HPCAL1: variants seen among roughly 807,000 people sequenced by gnomAD.
HPCAL1 encodes hippocalcin like 1, also known as hippocalcin-like protein 1.
Under a neutral mutation model 17.1 loss-of-function variants are expected in HPCAL1, and 8 were observed. That is an observed-to-expected ratio of 0.47 (90% CI 0.27 to 0.84). The LOEUF is 0.84. Ranked by LOEUF, HPCAL1 falls within the 40% of genes least tolerant of loss-of-function variation. The pLI, the probability that HPCAL1 is intolerant of heterozygous loss-of-function variation, is 0.13. For synonymous variants in HPCAL1, 112 were observed against 111.4 expected, an observed-to-expected ratio of 1.01 and a Z score of -0.03; for missense variants, 165 against 271.1, an observed-to-expected ratio of 0.61 and a Z score of 2.75.
chr2:10,399,397 T>TCAC (rs1558518182), intron 2 of HPCAL1, among the ~76,000 whole-genome samples: 5 of 6,378 alleles, frequency 7.8e-4, no homozygotes, highest in African/African-American at 1.4e-3. Context: ...ACCACCACCA[T>TCAC]CACCACCACC....
chr2:10,397,616 C>T (rs188409348), intron 2 of HPCAL1, among the ~76,000 whole-genome samples: 1 of 152,322 alleles, frequency 6.6e-6, no homozygotes, highest in East Asian at 1.9e-4. Flanking sequence ...TCGCCTCTCC[C>T]CCAGTGTTAG....
chr2:10,344,312 GC>G lies in HPCAL1; in HGVS notation c.-111+41138del, dbSNP rs1665273854. ...GAGCCAAGGATTAATTACGTAACAA[GC>G]CCAGATCCCATCCCTGCCTGAGCAG... On this transcript the variant is annotated intron_variant, in intron 1 of 4. Coordinates refer to ENST00000307845, the MANE Select transcript of HPCAL1 (RefSeq NM_002149.4). This position sits in a 1 kb window ranked among gnomAD's most constrained non-coding sequence, Gnocchi z 4.9. Among the ~76,000 whole-genome samples the G allele has an allele frequency of 6.6e-6, 1 of 152,162 alleles. No individual in the cohort carries two copies. Among genetic ancestry groups the G allele is most frequent in the Admixed American group, 6.5e-5 (1 of 15,286 alleles).
chr2:10,357,684 A>G (rs1666250297), intron 1 of HPCAL1, among the ~76,000 whole-genome samples: 1 of 152,186 alleles, frequency 6.6e-6, no homozygotes, highest in South Asian at 2.1e-4. Context: ...GTGTTTGTAG[A>G]ACAGTTATTT....
chr2:10,423,364 T>G, intron 4 of HPCAL1: 1 of 406,914 alleles, frequency 2.5e-6, no homozygotes, highest in Non-Finnish European at 4.6e-6. Flanking sequence ...CATACCCATA[T>G]TCCCGTGGGT....
chr2:10,384,371 G>A lies in HPCAL1; in HGVS notation c.-110-12464G>A, dbSNP rs898789020. ...CACATCCCCGTGGGATGTCTGGAGG[G>A]AAGGGTTTTGGGCACCCACCCTGGG... On this transcript the variant is annotated intron_variant, in intron 1 of 4. Coordinates refer to ENST00000307845, the MANE Select transcript of HPCAL1 (RefSeq NM_002149.4). The surrounding 1 kb of genome is among the most constrained non-coding windows in gnomAD (Gnocchi z 4.4). Among the ~76,000 whole-genome samples the A allele has an allele frequency of 9.9e-5, 15 of 152,156 alleles. No homozygotes were observed. The highest frequency in any genetic ancestry group is 2.0e-4 in the Admixed American group (3 of 15,284).
intron 1 of HPCAL1, among the ~76,000 whole-genome samples, chr2:10,352,592 T>A (rs1487809908): frequency 6.6e-6 from 1 of 151,892 alleles, no homozygotes; most frequent in African/African-American, 2.4e-5. Flanking sequence ...TCCTCTGCAG[T>A]CCCCTGGGGA....
chr2:10,404,936 C>T (rs1364756340), intron 2 of HPCAL1, among the ~76,000 whole-genome samples: 1 of 152,138 alleles, frequency 6.6e-6, no homozygotes, highest in Non-Finnish European at 1.5e-5. Context: ...CCCCACCTCC[C>T]GCCGGGCTGT....
rs115487912 is a variant in HPCAL1, at chr2:10,391,463, C to G, written c.-110-5372C>G. 2.2e-3 allele frequency among the ~76,000 whole-genome samples: 329 copies of G among 152,266 alleles called. 3 individuals carry two copies. The highest frequency in any genetic ancestry group is 7.5e-3 in the African/African-American group (311 of 41,530). On this transcript the variant is annotated intron_variant, in intron 1 of 4. Transcript: ENST00000307845. ...TTTGTGGAAATGTAATTCACATACC[C>G]TACCATTTACCCATTTAAAGTATAC...
At chr2:10,360,506 G>T (rs1306678024) in intron 1 of HPCAL1, among the ~76,000 whole-genome samples, 1 of 152,118 alleles carries the variant, frequency 6.6e-6, no homozygotes, top group Non-Finnish European at 1.5e-5. Context: ...CTGCCTTACG[G>T]GTTCAAGCGA....
chr2:10,410,157 G>C (rs71439007), intron 2 of HPCAL1, among the ~76,000 whole-genome samples: 2 of 152,268 alleles, frequency 1.3e-5, no homozygotes, highest in South Asian at 4.1e-4. Flanking sequence ...AAGCATCTCA[G>C]AGTCTGGTTG....
At chr2:10,346,721 T>C (rs556723377) in intron 1 of HPCAL1, among the ~76,000 whole-genome samples, 32 of 152,188 alleles carry the variant, frequency 2.1e-4, no homozygotes, top group Non-Finnish European at 3.5e-4. Context: ...TGAAGTGTAC[T>C]GTGTTTTCAC....
intron 1 of HPCAL1, among the ~76,000 whole-genome samples, chr2:10,311,273 C>T (rs1662945085): frequency 6.6e-6 from 1 of 152,090 alleles, no homozygotes; most frequent in Admixed American, 6.5e-5. Context: ...AGGGGCTTAG[C>T]CTCCAGGGGT....
At chr2:10,334,233 C>G (rs1289618096) in intron 1 of HPCAL1, among the ~76,000 whole-genome samples, 1 of 152,210 alleles carries the variant, frequency 6.6e-6, no homozygotes, top group Non-Finnish European at 1.5e-5. Flanking sequence ...CCTGTAATCC[C>G]AGCTCTTCGG....
At chr2:10,389,469 C>T (rs1572788728) in intron 1 of HPCAL1, among the ~76,000 whole-genome samples, 1 of 152,220 alleles carries the variant, frequency 6.6e-6, no homozygotes, top group Non-Finnish European at 1.5e-5. Flanking sequence ...GGGGGCTCAC[C>T]TGCCCTGCAA....
In HPCAL1 at chr2:10,363,518, G is replaced by GGTAGA. The variant is rs1666649676; in HGVS notation, c.-110-33317_-110-33316insGTAGA. ...GTCCTGCCTATACCCTCTACACGTG[G>GGTAGA]CGTTTCAGGTCTGGAGAGTCATGTG... On this transcript the variant is annotated intron_variant, in intron 1 of 4. Coordinates refer to ENST00000307845, the MANE Select transcript of HPCAL1 (RefSeq NM_002149.4). This position sits in a 1 kb window ranked among gnomAD's most constrained non-coding sequence, Gnocchi z 4.7. Among the ~76,000 whole-genome samples the GGTAGA allele has an allele frequency of 2.0e-5, 3 of 152,182 alleles. No individual in the cohort carries two copies. Among genetic ancestry groups the GGTAGA allele is most frequent in the Non-Finnish European group, 2.9e-5 (2 of 68,028 alleles).
At chr2:10,332,747 C>T (rs1237842086) in intron 1 of HPCAL1, among the ~76,000 whole-genome samples, 9 of 151,880 alleles carry the variant, frequency 5.9e-5, no homozygotes, top group Admixed American at 5.9e-4. Flanking sequence ...TGCGAGAAGA[C>T]ATCACAGGTA....
At chr2:10,373,849 C>T (rs1022905619) in intron 1 of HPCAL1, among the ~76,000 whole-genome samples, 12 of 152,182 alleles carry the variant, frequency 7.9e-5, no homozygotes, top group Non-Finnish European at 1.5e-4. Context: ...AAGGATCTTA[C>T]CAAGGTCAAA....
chr2:10,416,452 C>G (rs1319168452), intron 2 of HPCAL1, among the ~76,000 whole-genome samples: 1 of 152,188 alleles, frequency 6.6e-6, no homozygotes, highest in Admixed American at 6.5e-5. Flanking sequence ...CTGTCAGTGA[C>G]AGCAGAATCC....
intron 2 of HPCAL1, among the ~76,000 whole-genome samples, chr2:10,399,236 C>T (rs1354926527): frequency 1.6e-3 from 139 of 88,210 alleles, no homozygotes; most frequent in African/African-American, 3.9e-3. Context: ...CCACCACCAC[C>T]ACCATCACCA....
Sources: gnomAD v4.1 joint callset for allele counts (sites outside exome capture counted in the v4.1 genomes callset) on GRCh38, gnomAD v4.1.1 for gene constraint, Gnocchi (gnomAD v3.1) non-coding constraint, MANE v1.5 for transcripts, NCBI Gene and HGNC (gene_info 2026-07-23, HGNC 2026-07-21) for gene names.